Variants in NKAIN2 observed in about 807,000 individuals in gnomAD.
NKAIN2 encodes the protein sodium/potassium transporting ATPase interacting 2.
A neutral mutation model predicts 32.6 loss-of-function variants in NKAIN2; 14 were observed. The ratio of observed to expected loss-of-function variants is 0.43; its 90% CI spans 0.28 to 0.67. The LOEUF is 0.67. Among genes scored for constraint, NKAIN2 ranks in the 30% least tolerant of loss-of-function variants. The pLI, the probability that NKAIN2 is intolerant of heterozygous loss-of-function variation, is 0.17. For missense variants in NKAIN2, 198 were observed against 258.3 expected (o/e 0.77, Z 1.60); for synonymous variants, 80 against 87.2 (o/e 0.92, Z 0.46).
At chr6:124,219,629 T>C (rs1791700716) in intron 1 of NKAIN2, among the ~76,000 whole-genome samples, 1 of 152,074 alleles carries the variant, frequency 6.6e-6, no homozygotes, top group African/African-American at 2.4e-5. Context: ...GTGTAGAAGA[T>C]ATAAGCAACA....
chr6:124,719,091 G>A (rs1188513922), intron 4 of NKAIN2, among the ~76,000 whole-genome samples: 1 of 152,056 alleles, frequency 6.6e-6, no homozygotes, highest in Non-Finnish European at 1.5e-5. Context: ...AAGAAAAAAG[G>A]AAAAATGTTG....
At chr6:124,723,162 G>A (rs551153358) in intron 4 of NKAIN2, among the ~76,000 whole-genome samples, 13 of 152,246 alleles carry the variant, frequency 8.5e-5, no homozygotes, top group African/African-American at 2.9e-4. Flanking sequence ...GAACAGAATA[G>A]TTGATATAAT....
intron 1 of NKAIN2, among the ~76,000 whole-genome samples, chr6:124,232,237 C>A (rs1792499133): frequency 1.3e-5 from 2 of 152,108 alleles, no homozygotes; most frequent in African/African-American, 4.8e-5. Flanking sequence ...CTTCACTGGG[C>A]AAATAGTTAA....
At chr6:124,348,775 G>A (rs2115117588) in intron 2 of NKAIN2, among the ~76,000 whole-genome samples, 1 of 152,346 alleles carries the variant, frequency 6.6e-6, no homozygotes, top group Non-Finnish European at 1.5e-5. Context: ...CACCTTGCAT[G>A]AGCCGAAGCA....
At chr6:124,561,465 G>A (rs1446186144) in intron 3 of NKAIN2, among the ~76,000 whole-genome samples, 1 of 152,154 alleles carries the variant, frequency 6.6e-6, no homozygotes, top group Non-Finnish European at 1.5e-5. Context: ...AATCTGGTCT[G>A]TGGGAAAAAA....
chr6:124,500,333 A>G (rs569333034), intron 3 of NKAIN2, among the ~76,000 whole-genome samples: 1 of 152,054 alleles, frequency 6.6e-6, no homozygotes, highest in East Asian at 1.9e-4. Flanking sequence ...ATGAGATGAC[A>G]ACCCTTTTTT....
At chr6:124,515,006 T>A (rs901777979) in intron 3 of NKAIN2, among the ~76,000 whole-genome samples, 13 of 152,186 alleles carry the variant, frequency 8.5e-5, no homozygotes, top group Non-Finnish European at 1.6e-4. Flanking sequence ...AACTTTATTC[T>A]AGGTTTAAAT....
At chr6:123,929,418 G>A (rs1776152490) in intron 1 of NKAIN2, among the ~76,000 whole-genome samples, 1 of 151,962 alleles carries the variant, frequency 6.6e-6, no homozygotes, top group Non-Finnish European at 1.5e-5. Flanking sequence ...TCCAGATCTG[G>A]CATTCTATGC....
At chr6:124,723,825 A>T (rs2114638729) in intron 4 of NKAIN2, among the ~76,000 whole-genome samples, 1 of 152,360 alleles carries the variant, frequency 6.6e-6, no homozygotes, top group East Asian at 1.9e-4. Flanking sequence ...TTATAAAATC[A>T]TGTATAAGCA....
intron 3 of NKAIN2, among the ~76,000 whole-genome samples, chr6:124,480,169 G>A (rs1777387450): frequency 6.6e-6 from 1 of 152,166 alleles, no homozygotes; most frequent in South Asian, 2.1e-4. Flanking sequence ...GAGTTTAAGT[G>A]AGGTAATAAA....
intron 4 of NKAIN2, among the ~76,000 whole-genome samples, chr6:124,683,838 C>T (rs1356407038): frequency 6.6e-6 from 1 of 152,098 alleles, no homozygotes. Context: ...GCAGTAATGG[C>T]GAGCCCACAT....
intron 2 of NKAIN2, among the ~76,000 whole-genome samples, chr6:124,351,968 A>G (rs957898815): frequency 3.9e-5 from 6 of 152,174 alleles, no homozygotes; most frequent in Non-Finnish European, 7.3e-5. Flanking sequence ...TGACATAATC[A>G]TCATAATAAA....
intron 3 of NKAIN2, among the ~76,000 whole-genome samples, chr6:124,473,520 G>A (rs554404028): frequency 2.1e-4 from 32 of 152,172 alleles, no homozygotes; most frequent in African/African-American, 7.5e-4. Flanking sequence ...TGAGGTTTAT[G>A]TAGGCAAAGT....
chr6:124,319,248 T>A (rs1481326155), intron 2 of NKAIN2, among the ~76,000 whole-genome samples: 1 of 152,144 alleles, frequency 6.6e-6, no homozygotes, highest in Admixed American at 6.6e-5. Context: ...AATTAGTTTC[T>A]AACTTCAAGC....
At chr6:123,907,418 A>C (rs1774937509) in intron 1 of NKAIN2, among the ~76,000 whole-genome samples, 1 of 152,128 alleles carries the variant, frequency 6.6e-6, no homozygotes, top group South Asian at 2.1e-4. Flanking sequence ...CCTTAGTAAT[A>C]ATCTAGCCCA....
intron 1 of NKAIN2, among the ~76,000 whole-genome samples, chr6:123,852,684 C>G (rs1369941291): frequency 2.6e-5 from 4 of 152,072 alleles, no homozygotes; most frequent in African/African-American, 4.8e-5. Flanking sequence ...GAAGGAAATC[C>G]TATCATTTGC....
At chr6:123,820,232 A>G (rs191685771) in intron 1 of NKAIN2, among the ~76,000 whole-genome samples, 1 of 152,318 alleles carries the variant, frequency 6.6e-6, no homozygotes, top group Admixed American at 6.5e-5. Context: ...CAAAGGATAC[A>G]TTGATTAGTG....
intron 5 of NKAIN2, among the ~76,000 whole-genome samples, chr6:124,794,013 G>T (rs1211486346): frequency 2.6e-5 from 4 of 152,106 alleles, no homozygotes; most frequent in African/African-American, 9.7e-5. Flanking sequence ...GATGAGGCAG[G>T]GTAGGAAGGC....
chr6:123,989,709 T>A (rs1299530637), intron 1 of NKAIN2, among the ~76,000 whole-genome samples: 1 of 152,186 alleles, frequency 6.6e-6, no homozygotes, highest in African/African-American at 2.4e-5. Context: ...TAGAGTTATA[T>A]GGTCACAGGG....
Sources: gnomAD v4.1 joint callset for allele counts (sites outside exome capture counted in the v4.1 genomes callset) on GRCh38, gnomAD v4.1.1 for gene constraint, MANE v1.5 for transcripts, NCBI Gene and HGNC (gene_info 2026-07-23, HGNC 2026-07-21) for gene names.